The following LAMB1 variants were observed in gnomAD, a reference collection of about 807,000 sequenced individuals.
The protein encoded by LAMB1 is laminin subunit beta-1.
Under a neutral mutation model 222.3 loss-of-function variants are expected in LAMB1, and 121 were observed. That is an observed-to-expected ratio of 0.54 (90% CI 0.47 to 0.63). The LOEUF is 0.63. LAMB1 is among the 30% of genes least tolerant of loss of function. The pLI is 0.00. For synonymous variants in LAMB1, 794 were observed against 807.2 expected (o/e 0.98, Z 0.28); for missense variants, 2,172 against 2,240.8 (o/e 0.97, Z 0.62).
intron 29 of LAMB1, among the ~76,000 whole-genome samples, chr7:107,930,588 T>C (rs1438450373): frequency 6.6e-6 from 1 of 152,226 alleles, no homozygotes; most frequent in African/African-American, 2.4e-5. Flanking sequence ...CATTGGCATG[T>C]GACTTATTGC....
chr7:107,957,108 G>C (rs137914967), intron 20 of LAMB1, among the ~76,000 whole-genome samples: 1 of 152,106 alleles, frequency 6.6e-6, no homozygotes, highest in African/African-American at 2.4e-5. Flanking sequence ...TGGATATTCC[G>C]GCCAGGTGCG....
chr7:107,995,717 C>T (rs1469129646), intron 4 of LAMB1, among the ~76,000 whole-genome samples: 1 of 152,182 alleles, frequency 6.6e-6, no homozygotes. Context: ...GAAAGCACCT[C>T]CTCCCCAGTC....
At chr7:107,977,447 C>G (rs942291166) in intron 9 of LAMB1, among the ~76,000 whole-genome samples, 6 of 152,148 alleles carry the variant, frequency 3.9e-5, no homozygotes, top group African/African-American at 7.2e-5. Flanking sequence ...CCTTCATCAG[C>G]TACCCTGCCA....
rs774187408 is a variant in LAMB1, at chr7:107,953,667, T to A, written c.2942A>T (p.Asn981Ile). The A allele has an allele frequency of 5.6e-5, 91 of 1,614,018 alleles. No individual in the cohort carries two copies. Among genetic ancestry groups the A allele is most frequent in the Non-Finnish European group, 5.4e-5 (64 of 1,180,024 alleles). ...GSCQPCQCHN[N>I]IDTTDPEACD... The stretch of plus-strand genomic sequence containing the variant: ...GGCTTCTGGGTCTGTCGTGTCAATG[T>A]TGTTGTGACACTGGCAAGGCTGACA... The change falls in exon 22 of 34, where the codon AAC becomes ATC. Residue 981 changes from asparagine (N) to isoleucine (I), a missense_variant. Coordinates refer to ENST00000222399, the MANE Select transcript of LAMB1 (RefSeq NM_002291.3).
chr7:107,959,370 C>G lies in LAMB1; in HGVS notation c.2569G>C (p.Gly857Arg). Residue 857 changes from glycine to arginine, a missense_variant, in exon 20 of 34, where the codon GGG (glycine) becomes CGG (arginine). Gly to Arg is a moderately radical substitution (Grantham distance 125). Coordinates refer to ENST00000222399, the MANE Select transcript of LAMB1 (RefSeq NM_002291.3). ...TGGCAACTTGGAAAGCCCCAGTGCC[C>G]AGGTAAGCACCGATCACACTGCCGA... is the stretch of plus-strand genomic sequence containing the variant. ...YARQCDRCLPGHWGFPSCQPC... is the reference protein window; with the variant it reads ...YARQCDRCLPRHWGFPSCQPC... The G allele has an allele frequency of 6.2e-7, 1 of 1,614,240 alleles. No individual in the cohort carries two copies. Among genetic ancestry groups the G allele is most frequent in the Non-Finnish European group, 8.5e-7 (1 of 1,180,042 alleles).
chr7:107,994,344 C>T (rs891312512), intron 5 of LAMB1, among the ~76,000 whole-genome samples: 4 of 152,162 alleles, frequency 2.6e-5, no homozygotes, highest in African/African-American at 9.7e-5. Flanking sequence ...TAAAACTGTT[C>T]CTTAAGCTAT....
Position 107,961,560 on chromosome 7 carries a change from T to C in LAMB1, c.1974A>G (p.Ser658=), listed in dbSNP as rs1210339502. Residue 658 remains serine, a synonymous_variant, in exon 16 of 34, where the codon TCA becomes TCG. Transcript: ENST00000222399. The part of the protein sequence containing the change: ...PDDDNQVVSL[S]PGSRYVVLPR... ...ACCGTCACACTGACCTTGAGCCTGG[T>C]GATAATGACACCACCTGGTTGTCAT... 6.2e-7 allele frequency: 1 copy of C among 1,613,780 alleles called. No individual in the cohort carries two copies.
At chr7:107,968,381 T>C (rs1020881132) in intron 13 of LAMB1, among the ~76,000 whole-genome samples, 1 of 152,204 alleles carries the variant, frequency 6.6e-6, no homozygotes, top group Non-Finnish European at 1.5e-5. Context: ...ATAAGGCCTG[T>C]GTGAGGCAGA....
chr7:107,932,191 C>T lies in LAMB1; in HGVS notation c.4375G>A (p.Glu1459Lys). 1.2e-6 allele frequency: 2 copies of T among 1,614,204 alleles called. No homozygotes were observed. The highest frequency in any genetic ancestry group is 1.7e-6 in the Non-Finnish European group (2 of 1,180,038). ...QDVLSALAEV[E>K]QLSKMVSEAK... ...TGAGTTACCATCTTGGAGAGCTGTTCCACTTCAGCCAGGGCACTCAGGACA... is the reference window on the plus strand; with the variant it reads ...TGAGTTACCATCTTGGAGAGCTGTTTCACTTCAGCCAGGGCACTCAGGACA... The change falls in exon 28 of 34, where the codon GAA becomes AAA. Residue 1459 changes from glutamate (E) to lysine (K), a missense_variant. By Grantham distance (56) the Glu-to-Lys change is moderately conservative. Transcript: ENST00000222399.
rs1302015727 is a variant in LAMB1, at chr7:107,978,159, T to C, written c.888A>G (p.Gly296=). ...TGGTGTTATGCCTGCACATGCAGTGTCCGTGAACCTTGAAAGTTATAAAAA... is the reference window on the plus strand; with the variant it reads ...TGGTGTTATGCCTGCACATGCAGTGCCCGTGAACCTTGAAAGTTATAAAAA... ...FNEEVEGMVH[G]HCMCRHNTKG... is the part of the protein sequence containing the mutation. Residue 296 remains glycine (G), a synonymous_variant, in exon 9 of 34, where the codon GGA becomes GGG. Coordinates refer to ENST00000222399, the MANE Select transcript of LAMB1 (RefSeq NM_002291.3). The C allele has an allele frequency of 6.2e-7, 1 of 1,613,934 alleles. No homozygotes were observed. Among genetic ancestry groups the C allele is most frequent in the South Asian group, 1.1e-5 (1 of 91,014 alleles).
intron 5 of LAMB1, among the ~76,000 whole-genome samples, chr7:107,992,229 G>A (rs547001440): frequency 6.6e-6 from 1 of 152,256 alleles, no homozygotes; most frequent in East Asian, 1.9e-4. Flanking sequence ...TGCAGTCCCA[G>A]TCCTAGGTTT....
At chr7:107,992,296 C>G (rs1431824154) in intron 5 of LAMB1, among the ~76,000 whole-genome samples, 1 of 152,194 alleles carries the variant, frequency 6.6e-6, no homozygotes, top group African/African-American at 2.4e-5. Context: ...CAAAGATTGT[C>G]TGAACTTCTG....
Position 107,940,075 on chromosome 7 carries a change from C to T in LAMB1, c.3675G>A (p.Arg1225=), listed in dbSNP as rs1332391588. Residue 1225 remains arginine (R), a synonymous_variant, in exon 25 of 34, where the codon AGG becomes AGA. Transcript: ENST00000222399. ...GGATGTCTTTTATCTCGCTGACTTT[C>T]CTCTCCACCGAGTCCACAGTCTCAC... The part of the protein sequence containing the change: ...PYRETVDSVE[R]KVSEIKDILA... 3.7e-6 allele frequency: 6 copies of T among 1,614,030 alleles called. No homozygotes were observed. Among genetic ancestry groups the T allele is most frequent in the Non-Finnish European group, 5.1e-6 (6 of 1,180,046 alleles).
Position 107,964,824 on chromosome 7 carries a change from T to C in LAMB1, c.1563-137A>G, listed in dbSNP as rs543821152. ...GTTCTTGTTTTCTTCAGAAAATACA[T>C]ATGTGGAAAAAAGTAGTGCCTATGG... On this transcript the variant is annotated intron_variant, in intron 13 of 33. Transcript: ENST00000222399. The C allele has an allele frequency of 1.6e-3, 1,600 of 1,017,970 alleles. 3 individuals carry two copies. The highest frequency in any genetic ancestry group is 2.0e-3 in the Non-Finnish European group (1,422 of 708,734). The allele number at this position is 1,017,970 out of a possible 1,614,324, so 63.1% of individuals were successfully genotyped here. A position where few individuals can be genotyped will look rare whatever the true frequency, so the allele number is the denominator to read the frequency against.
intron 18 of LAMB1, 75 bp downstream of exon 18, chr7:107,960,370 C>T: frequency 1.8e-6 from 2 of 1,120,644 alleles, no homozygotes; most frequent in South Asian, 1.3e-5. Context: ...GGGGTGGGCA[C>T]TCCACTGTAC....
At position 107,960,339 on chromosome 7, in the gene LAMB1, T is replaced by C. The variant is rs1584507929; in HGVS notation, c.2314+106A>G. On this transcript the variant is annotated intron_variant, in intron 18 of 33. Coordinates refer to ENST00000222399, the MANE Select transcript of LAMB1 (RefSeq NM_002291.3). ...TGTAACTGAGACACTATTTCCCTTG[T>C]GCTGCCTAACACAGGGCTAGGGGGT... 3 of 740,174 alleles carry C rather than the reference T, an allele frequency of 4.1e-6. No homozygotes were observed. In the East Asian group the frequency reaches 7.7e-5, roughly 19 times the overall value. 45.9% of individuals were successfully genotyped at this position (740,174 alleles called of 1,614,324 possible).
intron 29 of LAMB1, 116 bp from the exon 30 acceptor site, chr7:107,929,735 C>T: frequency 1.3e-6 from 1 of 754,488 alleles, no homozygotes; most frequent in Non-Finnish European, 2.2e-6. Context: ...CACCAAGAGA[C>T]ACTAACTTCC....
chr7:107,981,114 C>T (rs144724455), intron 7 of LAMB1, among the ~76,000 whole-genome samples: 256 of 152,190 alleles, frequency 1.7e-3, no homozygotes, highest in African/African-American at 5.9e-3. Context: ...GAGTTCGAGA[C>T]CTGCCTGGCC....
chr7:107,980,623 C>T lies in LAMB1; in HGVS notation c.865G>A (p.Glu289Lys). 1 of 1,613,904 alleles carries T rather than the reference C, an allele frequency of 6.2e-7. No homozygotes were observed. Among genetic ancestry groups the T allele is most frequent in the Non-Finnish European group, 8.5e-7 (1 of 1,179,870 alleles). ...ECAPVDGFNE[E>K]VEGMVHGHCM... is the part of the protein sequence containing the mutation. Reference sequence around the variant, plus strand: ...GGCTTACTTACCATTCCTTCCACTTCTTCATTGAATCCATCCACAGGGGCA... The same window carrying T: ...GGCTTACTTACCATTCCTTCCACTTTTTCATTGAATCCATCCACAGGGGCA... Residue 289 changes from glutamate (E) to lysine (K), a missense_variant, in exon 8 of 34, where the codon GAA becomes AAA. By Grantham distance (56) the Glu-to-Lys change is moderately conservative (BLOSUM62 1). Transcript: ENST00000222399.
Sources: gnomAD v4.1 joint callset for allele counts (sites outside exome capture counted in the v4.1 genomes callset) on GRCh38, gnomAD v4.1.1 for gene constraint, MANE v1.5 for transcripts, NCBI Gene and HGNC (gene_info 2026-07-23, HGNC 2026-07-21) for gene names.